Variants in ATP9A observed in about 807,000 individuals in gnomAD.
The protein encoded by ATP9A is ATPase phospholipid transporting 9A.
ATP9A carries 52 observed loss-of-function variants against 144.1 expected under a neutral mutation model. The observed-to-expected ratio is 0.36, with a 90% CI of 0.29 to 0.45. ATP9A has a LOEUF of 0.45. ATP9A is among the 20% of genes least tolerant of loss of function. The pLI is 1.00. For missense variants in ATP9A, 947 were observed against 1,392.7 expected, an observed-to-expected ratio of 0.68 and a Z score of 5.09; for synonymous variants, 582 against 557.4, an observed-to-expected ratio of 1.04 and a Z score of -0.62.
At chr20:51,706,463 A>G (rs1221074643) in intron 4 of ATP9A, among the ~76,000 whole-genome samples, 1 of 152,226 alleles carries the variant, frequency 6.6e-6, no homozygotes, top group Non-Finnish European at 1.5e-5. Flanking sequence ...AGGGCTATCT[A>G]GAAGACTACA....
At chr20:51,658,669 G>A (rs1461336832) in intron 13 of ATP9A, among the ~76,000 whole-genome samples, 5 of 151,520 alleles carry the variant, frequency 3.3e-5, no homozygotes, top group Admixed American at 6.6e-5. Flanking sequence ...ACAGGCGCCC[G>A]CCACCAAGCC....
At chr20:51,717,949 C>CAA (rs1478090701) in intron 3 of ATP9A, among the ~76,000 whole-genome samples, 80 of 114,076 alleles carry the variant, frequency 7.0e-4, no homozygotes, top group African/African-American at 2.5e-3. Flanking sequence ...GACTCCGTCT[C>CAA]AAAAAAAAAA....
At chr20:51,692,477 C>T (rs4811224) in intron 7 of ATP9A, among the ~76,000 whole-genome samples, 152,295 of 152,296 alleles carry the variant, frequency 1, 76,147 homozygotes, top group Middle Eastern at 1. Context: ...GCCACCATCA[C>T]GTGAAGTGGG....
chr20:51,637,557 G>A (rs1476312456), intron 15 of ATP9A, among the ~76,000 whole-genome samples: 1 of 152,124 alleles, frequency 6.6e-6, no homozygotes, highest in Non-Finnish European at 1.5e-5. Flanking sequence ...GTAAGAGGTG[G>A]TCTGAATTCA....
intron 3 of ATP9A, among the ~76,000 whole-genome samples, chr20:51,714,001 G>A (rs931099537): frequency 7.9e-5 from 12 of 152,034 alleles, no homozygotes; most frequent in Admixed American, 2.0e-4. Flanking sequence ...CCACCTCCCG[G>A]GTTCAAGCGA....
chr20:51,765,684 G>A (rs1260535513), intron 1 of ATP9A, among the ~76,000 whole-genome samples: 10 of 140,124 alleles, frequency 7.1e-5, no homozygotes, highest in Admixed American at 6.6e-4. Context: ...GGCCAAGCAC[G>A]GTGGCTCACG....
chr20:51,750,494 A>G (rs2077826711), intron 1 of ATP9A, among the ~76,000 whole-genome samples: 2 of 152,196 alleles, frequency 1.3e-5, no homozygotes, highest in Non-Finnish European at 1.5e-5. Flanking sequence ...AAATTCCAGA[A>G]AACAGGACAG....
chr20:51,628,998 A>G lies in ATP9A; in HGVS notation c.1743T>C (p.Asn581=). Reference sequence around the variant, plus strand: ...CACTTACCTCTTCCTCCAACCAGTCATTGTACTGCACAATGCCAGCCATGA... The same window carrying G: ...CACTTACCTCTTCCTCCAACCAGTCGTTGTACTGCACAATGCCAGCCATGA... ...DVVMAGIVQY[N]DWLEEECGNM... is the part of the protein sequence containing the mutation. Residue 581 remains asparagine (N), a synonymous_variant, in exon 16 of 28, where the codon AAT becomes AAC. Transcript: ENST00000338821. 6.2e-7 allele frequency: 1 copy of G among 1,613,772 alleles called. No homozygotes were observed. Among genetic ancestry groups the G allele is most frequent in the Non-Finnish European group, 8.5e-7 (1 of 1,179,704 alleles).
chr20:51,693,926 A>G, intron 7 of ATP9A, 82 bp downstream of exon 7: 2 of 1,228,772 alleles, frequency 1.6e-6, no homozygotes, highest in Non-Finnish European at 2.3e-6. Flanking sequence ...TTGCCATCCC[A>G]TGCCTGGCCC....
intron 1 of ATP9A, among the ~76,000 whole-genome samples, chr20:51,735,355 A>G (rs2077758882): frequency 6.6e-6 from 1 of 151,774 alleles, no homozygotes; most frequent in Admixed American, 6.6e-5. Context: ...GACAATCTCC[A>G]CGACGAGCTA....
intron 14 of ATP9A, among the ~76,000 whole-genome samples, chr20:51,646,842 C>A (rs749415008): frequency 1.4e-4 from 22 of 152,046 alleles, no homozygotes; most frequent in African/African-American, 5.3e-4. Flanking sequence ...TCTTGCCAGG[C>A]GCAGTGGCTC....
chr20:51,739,349 CTT>C (rs749000986), intron 1 of ATP9A, among the ~76,000 whole-genome samples: 24 of 134,648 alleles, frequency 1.8e-4, no homozygotes, highest in Middle Eastern at 4.0e-3. Context: ...TACACTCACT[CTT>C]TTTTTTTTTT....
chr20:51,663,243 G>A (rs1236904677), intron 13 of ATP9A, among the ~76,000 whole-genome samples: 1 of 152,074 alleles, frequency 6.6e-6, no homozygotes, highest in African/African-American at 2.4e-5. Context: ...AGAAAACAGA[G>A]ACAGAGAGAA....
chr20:51,765,509 C>T (rs2077899567), intron 1 of ATP9A, among the ~76,000 whole-genome samples: 1 of 149,662 alleles, frequency 6.7e-6, no homozygotes. Context: ...ACAAAATTTG[C>T]CGGGCATGGT....
chr20:51,667,904 C>T (rs2077439381), intron 13 of ATP9A, among the ~76,000 whole-genome samples: 1 of 150,858 alleles, frequency 6.6e-6, no homozygotes, highest in African/African-American at 2.4e-5. Flanking sequence ...AAAAAATAAA[C>T]CAAATTAGCC....
intron 4 of ATP9A, among the ~76,000 whole-genome samples, chr20:51,698,181 A>C (rs984843700): frequency 3.2e-4 from 49 of 152,306 alleles, no homozygotes; most frequent in African/African-American, 1.2e-3. Context: ...TCACACCTGC[A>C]TCTGACTCCA....
intron 14 of ATP9A, among the ~76,000 whole-genome samples, chr20:51,640,068 T>C (rs1225989994): frequency 1.3e-5 from 2 of 151,754 alleles, no homozygotes; most frequent in African/African-American, 4.8e-5. Flanking sequence ...CTGGGTGACA[T>C]AGCGAGACTC....
At chr20:51,723,676 T>C (rs6091354) in intron 3 of ATP9A, among the ~76,000 whole-genome samples, 147,017 of 150,504 alleles carry the variant, frequency 0.98, 71,829 homozygotes, top group East Asian at 1. Flanking sequence ...CCTGCCTCAG[T>C]CTCCTGAGTA....
In ATP9A at chr20:51,674,161, G is replaced by A. The variant is rs1329218217; in HGVS notation, c.1029C>T (p.Ile343=). The A allele has an allele frequency of 1.9e-6, 3 of 1,613,874 alleles. No individual in the cohort carries two copies. The highest frequency in any genetic ancestry group is 3.3e-5 in the Admixed American group (2 of 59,962). Residue 343 remains isoleucine, a synonymous_variant, in exon 11 of 28, where the codon ATC becomes ATT. Coordinates refer to ENST00000338821, the MANE Select transcript of ATP9A (RefSeq NM_006045.3). ...IRFLLLFSNI[I]PISLRVNLDM... is the part of the protein sequence containing the mutation. ...GCTCGTCGCCTGCTTACCTAATGGG[G>A]ATGATGTTGGAAAACAAGAGGAGGA...
Sources: gnomAD v4.1 joint callset for allele counts (sites outside exome capture counted in the v4.1 genomes callset) on GRCh38, gnomAD v4.1.1 for gene constraint, MANE v1.5 for transcripts, NCBI Gene and HGNC (gene_info 2026-07-23, HGNC 2026-07-21) for gene names.